Variants in CACNG5 observed in about 807,000 individuals in gnomAD.
The protein encoded by CACNG5 is calcium voltage-gated channel auxiliary subunit gamma 5, also known as voltage-dependent calcium channel gamma-5 subunit.
CACNG5 carries 18 observed loss-of-function variants against 24.8 expected under a neutral mutation model. The observed-to-expected ratio is 0.73, with a 90% CI of 0.50 to 1.08. The LOEUF (loss-of-function observed/expected upper bound fraction) is 1.08, where lower values mean the gene tolerates loss of function less well. CACNG5 is among the 50% of genes least tolerant of loss of function. CACNG5 has a pLI of 0.00. For missense variants in CACNG5, 349 were observed against 367.9 expected, an observed-to-expected ratio of 0.95 and a Z score of 0.42; for synonymous variants, 157 against 149.1, an observed-to-expected ratio of 1.05 and a Z score of -0.39.
rs1000064415 is a variant in CACNG5 at position 66,865,512 on chromosome 17, T to C, written c.-103-11718T>C. ...CCAAATTCTCAGTAGAAATAGGGACTCTTCTGTTATGGAGTTGTTTCAAAT... is the reference window on the plus strand; with the variant it reads ...CCAAATTCTCAGTAGAAATAGGGACCCTTCTGTTATGGAGTTGTTTCAAAT... On this transcript the variant is annotated intron_variant, in intron 1 of 5. Transcript: ENST00000533854. Among the ~76,000 whole-genome samples, 14 of 152,206 alleles carry C rather than the reference T, an allele frequency of 9.2e-5. No individual in the cohort carries two copies. The East Asian group carries it at 2.5e-3, about 27-fold the overall frequency.
At chr17:66,859,349 G>A (rs1220516951) in intron 1 of CACNG5, among the ~76,000 whole-genome samples, 8 of 152,120 alleles carry the variant, frequency 5.3e-5, no homozygotes, top group Admixed American at 5.2e-4. Context: ...TCAGTTTTGG[G>A]GGAGAAGCGG....
intron 1 of CACNG5, among the ~76,000 whole-genome samples, chr17:66,876,473 A>G (rs1209870875): frequency 6.6e-6 from 1 of 152,124 alleles, no homozygotes; most frequent in African/African-American, 2.4e-5. Context: ...CTTGTGGTTG[A>G]CCTTGCTTAG....
intron 1 of CACNG5, among the ~76,000 whole-genome samples, chr17:66,866,846 C>T (rs1167346012): frequency 6.6e-6 from 1 of 152,200 alleles, no homozygotes; most frequent in Non-Finnish European, 1.5e-5. Context: ...ATATGTACTA[C>T]ATTTTCTTTA....
At chr17:66,839,453 G>A (rs1976533872) in intron 1 of CACNG5, among the ~76,000 whole-genome samples, 1 of 152,104 alleles carries the variant, frequency 6.6e-6, no homozygotes. Context: ...AGAAAATGGA[G>A]GAGGCTGCGT....
At chr17:66,876,821 T>C (rs1166583201) in intron 1 of CACNG5, among the ~76,000 whole-genome samples, 1 of 152,214 alleles carries the variant, frequency 6.6e-6, no homozygotes, top group Non-Finnish European at 1.5e-5. Flanking sequence ...TCCTCCATTC[T>C]TCCTCTCTAC....
At chr17:66,864,576 G>T (rs1295578518) in intron 1 of CACNG5, among the ~76,000 whole-genome samples, 4 of 152,168 alleles carry the variant, frequency 2.6e-5, no homozygotes, top group Non-Finnish European at 5.9e-5. Context: ...CAAGAAGCTT[G>T]GTCCATGCTA....
intron 1 of CACNG5, among the ~76,000 whole-genome samples, chr17:66,872,660 G>A (rs1317369413): frequency 2.6e-5 from 4 of 152,142 alleles, no homozygotes; most frequent in Non-Finnish European, 4.4e-5. Context: ...AACTGTTTGG[G>A]TTATCCCAGG....
intron 1 of CACNG5, among the ~76,000 whole-genome samples, chr17:66,865,010 C>T (rs930797864): frequency 1.3e-5 from 2 of 152,210 alleles, no homozygotes; most frequent in African/African-American, 4.8e-5. Context: ...CATCCTGCTG[C>T]CTCAGCCTCC....
Position 66,877,460 on chromosome 17 carries a change from C to T in CACNG5, c.128C>T (p.Pro43Leu), listed in dbSNP as rs1446760297. 6.2e-7 allele frequency: 1 copy of T among 1,613,908 alleles called. No individual in the cohort carries two copies. Among genetic ancestry groups the T allele is most frequent in the Non-Finnish European group, 8.5e-7 (1 of 1,179,958 alleles). Residue 43 changes from proline to leucine, a missense_variant, in exon 2 of 6, where the codon CCC becomes CTC. Transcript: ENST00000533854. ...WLYLEEGVIV[P>L]QNQSTEIKMS... ...TACCTGGAGGAGGGTGTGATTGTGC[C>T]CCAGAACCAGAGCACCGAGATCAAG... is the stretch of plus-strand genomic sequence containing the variant.
rs963487925 is a variant in CACNG5 at position 66,889,647 on chromosome 17, T to C, written c.*4407T>C. Among the ~76,000 whole-genome samples, 2 of 152,194 alleles carry C rather than the reference T, an allele frequency of 1.3e-5. No homozygotes were observed. The highest frequency in any genetic ancestry group is 2.9e-5 in the Non-Finnish European group (2 of 68,040). ...GTTGGGCTGGAGACCCGGTGAGGACTTGCAGTTCAAGTCCAAACTTGCAGT... is the reference window on the plus strand; with the variant it reads ...GTTGGGCTGGAGACCCGGTGAGGACCTGCAGTTCAAGTCCAAACTTGCAGT... On this transcript the variant is annotated 3_prime_UTR_variant, in exon 6 of 6. Transcript: ENST00000533854.
intron 1 of CACNG5, among the ~76,000 whole-genome samples, chr17:66,849,815 C>T (rs546267590): frequency 1.4e-4 from 22 of 152,324 alleles, no homozygotes; most frequent in South Asian, 8.3e-4. Flanking sequence ...GCAATGGAGG[C>T]GCACACACCT....
At chr17:66,861,329 A>G (rs578103073) in intron 1 of CACNG5, among the ~76,000 whole-genome samples, 3 of 152,362 alleles carry the variant, frequency 2.0e-5, no homozygotes, top group African/African-American at 4.8e-5. Context: ...TGCACTTACC[A>G]TGTGCCAGGC....
At chr17:66,852,958 CCTT>C (rs1198256908) in intron 1 of CACNG5, among the ~76,000 whole-genome samples, 1 of 150,616 alleles carries the variant, frequency 6.6e-6, no homozygotes, top group East Asian at 2.0e-4. Context: ...CTCCTCCTCT[CCTT>C]CTCTCCTCCT....
At chr17:66,882,119 CA>C (rs1977166903) in intron 4 of CACNG5, among the ~76,000 whole-genome samples, 1 of 152,040 alleles carries the variant, frequency 6.6e-6, no homozygotes, top group Admixed American at 6.6e-5. Context: ...GGCGATGGCC[CA>C]AACAGGGGGT....
chr17:66,875,957 G>A (rs1977072164), intron 1 of CACNG5, among the ~76,000 whole-genome samples: 1 of 152,134 alleles, frequency 6.6e-6, no homozygotes, highest in South Asian at 2.1e-4. Context: ...GTCATATCCT[G>A]GGCTTTCCCC....
intron 1 of CACNG5, among the ~76,000 whole-genome samples, chr17:66,870,181 C>T (rs1233329404): frequency 6.6e-6 from 1 of 152,134 alleles, no homozygotes; most frequent in Non-Finnish European, 1.5e-5. Context: ...TTGGGAAGTG[C>T]TCAACTAGGC....
chr17:66,856,815 T>C (rs1283248227), intron 1 of CACNG5, among the ~76,000 whole-genome samples: 1 of 151,914 alleles, frequency 6.6e-6, no homozygotes, highest in African/African-American at 2.4e-5. Context: ...AGTACTGGGA[T>C]TACAGGTGTG....
At chr17:66,883,959 C>A (rs925970241) in intron 4 of CACNG5, among the ~76,000 whole-genome samples, 1 of 152,024 alleles carries the variant, frequency 6.6e-6, no homozygotes, top group African/African-American at 2.4e-5. Context: ...ATGGAGAAAC[C>A]TTGTCTCTAC....
chr17:66,865,402 T>C (rs892799641), intron 1 of CACNG5, among the ~76,000 whole-genome samples: 3 of 152,126 alleles, frequency 2.0e-5, no homozygotes, highest in African/African-American at 7.2e-5. Flanking sequence ...GTCTTGGAAT[T>C]TTCTGGAGTA....
Sources: allele counts gnomAD v4.1 joint callset (sites outside exome capture counted in the v4.1 genomes callset), GRCh38; gene constraint gnomAD v4.1.1; transcripts MANE v1.5; gene names NCBI Gene and HGNC (gene_info 2026-07-23, HGNC 2026-07-21).